Variants in MCF2L2 observed in about 807,000 individuals in gnomAD.
MCF2L2 encodes MCF.2 cell line derived transforming sequence-like 2.
Under a neutral mutation model 150.2 loss-of-function variants are expected in MCF2L2, and 102 were observed. The ratio of observed to expected loss-of-function variants is 0.68; its 90% CI spans 0.58 to 0.80. The LOEUF is 0.80. Among genes scored for constraint, MCF2L2 ranks in the 30% least tolerant of loss-of-function variants. The pLI is 0.00. For missense variants in MCF2L2, 1,256 were observed against 1,372.8 expected (o/e 0.91, Z 1.34); for synonymous variants, 465 against 491.3 (o/e 0.95, Z 0.71).
At chr3:183,304,274 C>T (rs1301480332) in intron 10 of MCF2L2, among the ~76,000 whole-genome samples, 1 of 152,176 alleles carries the variant, frequency 6.6e-6, no homozygotes, top group African/African-American at 2.4e-5. Flanking sequence ...ATCTTAGGTA[C>T]TTACAAATAA....
chr3:183,203,561 T>A (rs1722371236), intron 25 of MCF2L2, among the ~76,000 whole-genome samples: 1 of 152,054 alleles, frequency 6.6e-6, no homozygotes, highest in South Asian at 2.1e-4. Context: ...GAAAGAGGAA[T>A]GAAGGAAAAA....
chr3:183,256,748 C>T (rs1432616326), intron 15 of MCF2L2, among the ~76,000 whole-genome samples: 1 of 152,162 alleles, frequency 6.6e-6, no homozygotes, highest in African/African-American at 2.4e-5. Context: ...ATGGACTCAC[C>T]TCAAGTTTCC....
At chr3:183,318,778 A>C (rs1434808149) in intron 6 of MCF2L2, among the ~76,000 whole-genome samples, 2 of 149,482 alleles carry the variant, frequency 1.3e-5, no homozygotes, top group Non-Finnish European at 3.0e-5. Context: ...AGTATACTGT[A>C]GTCTATTAAG....
intron 15 of MCF2L2, among the ~76,000 whole-genome samples, chr3:183,245,385 A>C (rs996637170): frequency 6.6e-6 from 1 of 152,166 alleles, no homozygotes; most frequent in Non-Finnish European, 1.5e-5. Flanking sequence ...GGCTGGAGTC[A>C]TGGCCACACA....
chr3:183,254,782 A>T (rs73884607), intron 15 of MCF2L2: 3 of 151,464 alleles, frequency 2.0e-5, no homozygotes, highest in African/African-American at 7.2e-5. Context: ...CTGGCGGGGG[A>T]AATGGGGACA....
At chr3:183,383,797 A>T (rs1367205878) in intron 2 of MCF2L2, among the ~76,000 whole-genome samples, 3 of 152,186 alleles carry the variant, frequency 2.0e-5, no homozygotes, top group Non-Finnish European at 4.4e-5. Flanking sequence ...ATATGTGCAT[A>T]GGTAGGTGTG....
intron 3 of MCF2L2, among the ~76,000 whole-genome samples, chr3:183,371,553 C>T (rs564340019): frequency 3.3e-5 from 5 of 151,274 alleles, no homozygotes; most frequent in South Asian, 2.1e-4. Flanking sequence ...CTGCAACCTC[C>T]GCCTCCTGGG....
At chr3:183,205,109 A>C (rs1722425596) in intron 25 of MCF2L2, among the ~76,000 whole-genome samples, 1 of 152,210 alleles carries the variant, frequency 6.6e-6, no homozygotes, top group South Asian at 2.1e-4. Flanking sequence ...AGCTGGGCGC[A>C]GTGGCTCACA....
At chr3:183,316,777 C>T (rs1425087637) in intron 7 of MCF2L2, among the ~76,000 whole-genome samples, 1 of 152,078 alleles carries the variant, frequency 6.6e-6, no homozygotes, top group African/African-American at 2.4e-5. Context: ...GAGATCTCGG[C>T]TCACTGCAAC....
chr3:183,403,309 T>C (rs1169721079), intron 1 of MCF2L2, among the ~76,000 whole-genome samples: 13 of 152,104 alleles, frequency 8.5e-5, no homozygotes, highest in African/African-American at 3.1e-4. Context: ...GAAGAAATTA[T>C]AACCAGCAAA....
intron 1 of MCF2L2, among the ~76,000 whole-genome samples, chr3:183,424,912 T>C (rs1359234172): frequency 6.6e-6 from 1 of 152,162 alleles, no homozygotes; most frequent in Admixed American, 6.5e-5. Flanking sequence ...TGTCCAACCA[T>C]AGGTGTAGAA....
intron 26 of MCF2L2, among the ~76,000 whole-genome samples, chr3:183,193,851 C>T (rs1576911691): frequency 6.6e-6 from 1 of 152,246 alleles, no homozygotes; most frequent in Admixed American, 6.5e-5. Flanking sequence ...CTCATCACCC[C>T]CGGCCTTGCT....
At chr3:183,362,731 A>G (rs1712290132) in intron 3 of MCF2L2, among the ~76,000 whole-genome samples, 1 of 152,146 alleles carries the variant, frequency 6.6e-6, no homozygotes, top group African/African-American at 2.4e-5. Context: ...CTTGAACTAG[A>G]AATCTTGTAA....
At chr3:183,368,514 A>T (rs548736530) in intron 3 of MCF2L2, among the ~76,000 whole-genome samples, 1 of 152,196 alleles carries the variant, frequency 6.6e-6, no homozygotes, top group Non-Finnish European at 1.5e-5. Context: ...CTGTAATCCC[A>T]GCACTTTGGG....
intron 3 of MCF2L2, among the ~76,000 whole-genome samples, chr3:183,358,339 T>G (rs1262290746): frequency 6.7e-6 from 1 of 149,902 alleles, no homozygotes; most frequent in African/African-American, 2.5e-5. Context: ...AAAAGAAGAG[T>G]GTGGTGTTAG....
rs141180027 is a variant in MCF2L2, at chr3:183,352,612, C to T, written c.276-10982G>A. 6.7e-3 allele frequency among the ~76,000 whole-genome samples: 1,018 copies of T among 152,282 alleles called. 6 individuals are homozygous for T. The highest frequency in any genetic ancestry group is 0.034 in the Middle Eastern group (10 of 294). On this transcript the variant is annotated intron_variant, in intron 3 of 29. Coordinates refer to ENST00000328913, the MANE Select transcript of MCF2L2 (RefSeq NM_015078.4). ...GCCCAAGCCAATGGAGAGAAGCAGACGTGCTTCCACTGCACAGGAAAGCCA... is the reference window on the plus strand; with the variant it reads ...GCCCAAGCCAATGGAGAGAAGCAGATGTGCTTCCACTGCACAGGAAAGCCA...
intron 13 of MCF2L2, among the ~76,000 whole-genome samples, chr3:183,289,838 A>G (rs375068141): frequency 2.0e-5 from 3 of 152,240 alleles, no homozygotes; most frequent in African/African-American, 7.2e-5. Flanking sequence ...CCTGGGCAAC[A>G]GAGCTAGACT....
intron 10 of MCF2L2, among the ~76,000 whole-genome samples, chr3:183,306,419 A>T (rs1729099573): frequency 6.6e-6 from 1 of 152,276 alleles, no homozygotes; most frequent in Non-Finnish European, 1.5e-5. Flanking sequence ...AAATTCCAGA[A>T]GGCTGGATCG....
At chr3:183,384,924 G>C (rs1713748145) in intron 2 of MCF2L2, among the ~76,000 whole-genome samples, 1 of 152,076 alleles carries the variant, frequency 6.6e-6, no homozygotes. Flanking sequence ...CAAATCATTT[G>C]TTATAAAAAG....
Sources: gnomAD v4.1 joint callset for allele counts (sites outside exome capture counted in the v4.1 genomes callset) on GRCh38, gnomAD v4.1.1 for gene constraint, MANE v1.5 for transcripts, NCBI Gene and HGNC (gene_info 2026-07-23, HGNC 2026-07-21) for gene names.